ZDHHC14: variants seen among roughly 807,000 people sequenced by gnomAD.
The protein encoded by ZDHHC14 is palmitoyltransferase ZDHHC14.
A neutral mutation model predicts 47.7 loss-of-function variants in ZDHHC14; 16 were observed. The ratio of observed to expected loss-of-function variants is 0.34; its 90% CI spans 0.23 to 0.51. The LOEUF is 0.51. Among genes scored for constraint, ZDHHC14 ranks in the 20% least tolerant of loss-of-function variants. The probability of loss-of-function intolerance (pLI) is 0.97; values close to 1 mark genes in which losing one functional copy is unlikely to be tolerated. For synonymous variants in ZDHHC14, 293 were observed against 278.9 expected (o/e 1.05, Z -0.50); for missense variants, 515 against 662.5 (o/e 0.78, Z 2.44).
chr6:157,479,141 T>A (rs1383203288), intron 1 of ZDHHC14, among the ~76,000 whole-genome samples: 8 of 152,184 alleles, frequency 5.3e-5, no homozygotes, highest in Admixed American at 5.2e-4. Context: ...TGGATTTAGG[T>A]CCCACCTCAG....
chr6:157,591,663 T>C (rs1385339032), intron 2 of ZDHHC14, among the ~76,000 whole-genome samples: 3 of 152,168 alleles, frequency 2.0e-5, no homozygotes, highest in African/African-American at 7.2e-5. Flanking sequence ...AATGAAAGAC[T>C]CTCTGACAGC....
intron 5 of ZDHHC14, among the ~76,000 whole-genome samples, chr6:157,643,650 A>AAAATATATATATATATATATATATAT (rs765773743): frequency 1.2e-4 from 9 of 72,528 alleles, no homozygotes; most frequent in African/African-American, 4.0e-4. Context: ...CTTCATCTCA[A>AAAATATATATATATATATATATATAT]ATATATATAT....
intron 1 of ZDHHC14, among the ~76,000 whole-genome samples, chr6:157,421,007 C>T (rs1036580822): frequency 1.3e-5 from 2 of 152,166 alleles, no homozygotes; most frequent in Admixed American, 1.3e-4. Flanking sequence ...TGCTTTGCAG[C>T]AGAACACATC....
At chr6:157,630,938 G>A (rs1333223440) in intron 4 of ZDHHC14, 1 of 135,166 alleles carries the variant, frequency 7.4e-6, no homozygotes, top group Non-Finnish European at 1.6e-5. Flanking sequence ...ACACTCACAT[G>A]TACCCTTACA....
intron 1 of ZDHHC14, among the ~76,000 whole-genome samples, chr6:157,458,787 T>G (rs1677776854): frequency 6.6e-6 from 1 of 150,498 alleles, no homozygotes; most frequent in Admixed American, 6.6e-5. Context: ...ATTTACGATA[T>G]AACTATGTAT....
chr6:157,566,517 A>T (rs148744484), intron 2 of ZDHHC14, among the ~76,000 whole-genome samples: 205 of 152,328 alleles, frequency 1.3e-3, no homozygotes, highest in African/African-American at 4.7e-3. Context: ...GGTGAAGTCC[A>T]CTTACCACCC....
At chr6:157,554,809 GAGAT>G (rs1782389448) in intron 2 of ZDHHC14, among the ~76,000 whole-genome samples, 1 of 152,240 alleles carries the variant, frequency 6.6e-6, no homozygotes, top group Non-Finnish European at 1.5e-5. Context: ...TCTGCAGAGA[GAGAT>G]CTATCAAGAA....
At chr6:157,396,866 G>A (rs1322904275) in intron 1 of ZDHHC14, among the ~76,000 whole-genome samples, 3 of 152,164 alleles carry the variant, frequency 2.0e-5, no homozygotes, top group Non-Finnish European at 4.4e-5. Context: ...AATAAAGATA[G>A]GAAGTATTGC....
intron 1 of ZDHHC14, among the ~76,000 whole-genome samples, chr6:157,527,286 C>T (rs1562462966): frequency 6.6e-6 from 1 of 152,158 alleles, no homozygotes; most frequent in Non-Finnish European, 1.5e-5. Context: ...CCAGGAGCTC[C>T]CCAGCTCCTG....
Position 157,382,198 on chromosome 6 carries a change from G to C in ZDHHC14, c.177G>C (p.Arg59=), listed in dbSNP as rs1034536923. Residue 59 remains arginine (R), a synonymous_variant, in exon 1 of 9, where the codon CGG becomes CGC. Transcript: ENST00000359775. ...FFCNGRIMMA[R]QTGVFYLTLV... Reference sequence around the variant, plus strand: ...GTAACGGGAGGATCATGATGGCCCGGCAGACGGGCGTCTTCTACCTGACGC... The same window carrying C: ...GTAACGGGAGGATCATGATGGCCCGCCAGACGGGCGTCTTCTACCTGACGC... The C allele has an allele frequency of 5.6e-6, 9 of 1,613,518 alleles. No homozygotes were observed. The highest frequency in any genetic ancestry group is 7.6e-6 in the Non-Finnish European group (9 of 1,179,832).
chr6:157,493,089 TG>T (rs1397629841), intron 1 of ZDHHC14, among the ~76,000 whole-genome samples: 42 of 152,228 alleles, frequency 2.8e-4, no homozygotes, highest in Admixed American at 2.5e-3. Context: ...GCAAGGAGAC[TG>T]AGGTGCTACT....
At chr6:157,514,638 C>G (rs960441263) in intron 1 of ZDHHC14, among the ~76,000 whole-genome samples, 2 of 152,208 alleles carry the variant, frequency 1.3e-5, no homozygotes, top group Admixed American at 1.3e-4. Flanking sequence ...CTGTAACAGG[C>G]CCCTGAGGCA....
intron 1 of ZDHHC14, among the ~76,000 whole-genome samples, chr6:157,439,719 T>A (rs190438797): frequency 1.3e-5 from 2 of 152,322 alleles, no homozygotes; most frequent in African/African-American, 2.4e-5. Context: ...CATATATTCA[T>A]TGCAGCACTA....
At chr6:157,399,046 A>G (rs377686928) in intron 1 of ZDHHC14, among the ~76,000 whole-genome samples, 31 of 152,374 alleles carry the variant, frequency 2.0e-4, no homozygotes, top group African/African-American at 7.5e-4. Flanking sequence ...GGGGACCTGC[A>G]TGACTGTTTT....
At chr6:157,418,026 C>T (rs541629551) in intron 1 of ZDHHC14, among the ~76,000 whole-genome samples, 14 of 152,094 alleles carry the variant, frequency 9.2e-5, no homozygotes, top group Non-Finnish European at 1.5e-4. Flanking sequence ...ATCTGCTTAG[C>T]GATGTCTCGG....
chr6:157,651,958 T>C (rs537094005), intron 7 of ZDHHC14, among the ~76,000 whole-genome samples: 1 of 152,202 alleles, frequency 6.6e-6, no homozygotes, highest in Non-Finnish European at 1.5e-5. Context: ...CATCCCTGGC[T>C]GTCACCCGCG....
intron 3 of ZDHHC14, among the ~76,000 whole-genome samples, chr6:157,627,691 G>C (rs1014963409): frequency 6.6e-6 from 1 of 152,232 alleles, no homozygotes; most frequent in Non-Finnish European, 1.5e-5. Context: ...TCAAGTTCTA[G>C]TTCCACTGCT....
chr6:157,594,696 A>G (rs1784051681), intron 3 of ZDHHC14, among the ~76,000 whole-genome samples: 1 of 152,172 alleles, frequency 6.6e-6, no homozygotes, highest in South Asian at 2.1e-4. Context: ...CTAGTTCTCC[A>G]TGTGGGGGCA....
intron 3 of ZDHHC14, among the ~76,000 whole-genome samples, chr6:157,621,016 A>G (rs1202577282): frequency 2.6e-5 from 4 of 152,256 alleles, no homozygotes; most frequent in African/African-American, 9.6e-5. Flanking sequence ...TAGAAAGATT[A>G]GATTAAAACA....
Sources: gnomAD v4.1 joint callset for allele counts (sites outside exome capture counted in the v4.1 genomes callset) on GRCh38, gnomAD v4.1.1 for gene constraint, MANE v1.5 for transcripts, NCBI Gene and HGNC (gene_info 2026-07-23, HGNC 2026-07-21) for gene names.